REDIC1: variants seen among roughly 807,000 people sequenced by gnomAD.
The protein encoded by REDIC1 is regulator of DNA class I crossover intermediates 1.
chr12:39,653,558 T>TTCTTCTTCTTTC, the REDIC1 span, among the ~76,000 whole-genome samples: 3 of 43,842 alleles, frequency 6.8e-5, no homozygotes, highest in South Asian at 6.9e-4. Context: ...CTTCTTCTTC[T>TTCTTCTTCTTTC]TTCTTCTTCT....
chr12:39,771,566 G>T, the REDIC1 span, among the ~76,000 whole-genome samples: 2,350 of 152,232 alleles, frequency 0.015, 55 homozygotes, highest in African/African-American at 0.051. Context: ...TCCAGTCTGT[G>T]CATTGATTGT....
At chr12:39,866,013 C>G in the REDIC1 span, among the ~76,000 whole-genome samples, 1 of 152,152 alleles carries the variant, frequency 6.6e-6, no homozygotes, top group Non-Finnish European at 1.5e-5. Context: ...TGCACATGTA[C>G]CCCTGAAATT....
At chr12:39,753,255 CATCTATA>C in the REDIC1 span, among the ~76,000 whole-genome samples, 1 of 152,136 alleles carries the variant, frequency 6.6e-6, no homozygotes, top group African/African-American at 2.4e-5. Flanking sequence ...GCATTCAAAG[CATCTATA>C]GTAAGATGAG....
At chr12:39,761,686 CTG>C in the REDIC1 span, among the ~76,000 whole-genome samples, 11 of 151,648 alleles carry the variant, frequency 7.3e-5, no homozygotes, top group East Asian at 2.1e-3. Context: ...ATATGCAAGA[CTG>C]TGGAGGTAGG....
At chr12:39,907,665 T>C in the REDIC1 span, 2 of 152,148 alleles carry the variant, frequency 1.3e-5, no homozygotes, top group Non-Finnish European at 2.9e-5. Context: ...ACTTTGGAAA[T>C]AGAATGAGGT....
chr12:39,689,055 C>T, the REDIC1 span, among the ~76,000 whole-genome samples: 1 of 152,186 alleles, frequency 6.6e-6, no homozygotes, highest in Non-Finnish European at 1.5e-5. Flanking sequence ...TCCTAACCAT[C>T]CATCCATGTA....
chr12:39,723,229 T>C, the REDIC1 span, among the ~76,000 whole-genome samples: 1 of 152,162 alleles, frequency 6.6e-6, no homozygotes, highest in East Asian at 1.9e-4. Context: ...ATCCTTTTAC[T>C]ATAATAAACT....
the REDIC1 span, among the ~76,000 whole-genome samples, chr12:39,816,112 C>T: frequency 2.0e-5 from 3 of 152,260 alleles, no homozygotes; most frequent in East Asian, 5.8e-4. Context: ...AGGTCTGAAA[C>T]AGTTTCAACT....
the REDIC1 span, among the ~76,000 whole-genome samples, chr12:39,714,867 G>A: frequency 1.5e-4 from 23 of 151,822 alleles, no homozygotes; most frequent in African/African-American, 5.3e-4. Context: ...ATCTTCTTTT[G>A]AGAATTGTCT....
At chr12:39,711,814 TGTACAC>T in the REDIC1 span, among the ~76,000 whole-genome samples, 1 of 91,474 alleles carries the variant, frequency 1.1e-5, no homozygotes, top group African/African-American at 3.5e-5. Context: ...TGTGTATGTG[TGTACAC>T]ATGCATGTGT....
At chr12:39,648,195 T>G in the REDIC1 span, among the ~76,000 whole-genome samples, 1 of 152,020 alleles carries the variant, frequency 6.6e-6, no homozygotes, top group Non-Finnish European at 1.5e-5. Flanking sequence ...TTAAAAAAAA[T>G]CTTGGAATGT....
At chr12:39,707,873 C>A in the REDIC1 span, among the ~76,000 whole-genome samples, 1 of 151,672 alleles carries the variant, frequency 6.6e-6, no homozygotes, top group East Asian at 1.9e-4. Context: ...ATGGATGGAA[C>A]TGGAGGTTAT....
At chr12:39,682,528 T>C in the REDIC1 span, 1 of 1,007,228 alleles carries the variant, frequency 9.9e-7, no homozygotes, top group Non-Finnish European at 1.4e-6. Flanking sequence ...ACTCAATATG[T>C]CCTCTAAGAA....
At chr12:39,736,212 G>A in the REDIC1 span, among the ~76,000 whole-genome samples, 2 of 152,184 alleles carry the variant, frequency 1.3e-5, no homozygotes, top group Non-Finnish European at 2.9e-5. Context: ...GTGCATGGCT[G>A]GATTACAGAA....
the REDIC1 span, among the ~76,000 whole-genome samples, chr12:39,895,876 AT>A: frequency 1.0e-5 from 1 of 100,464 alleles, no homozygotes; most frequent in African/African-American, 3.9e-5. Flanking sequence ...GCACACACAT[AT>A]GTATATGCGT....
the REDIC1 span, among the ~76,000 whole-genome samples, chr12:39,906,503 GA>G: frequency 6.6e-6 from 1 of 151,904 alleles, no homozygotes; most frequent in Non-Finnish European, 1.5e-5. Flanking sequence ...ACTGAAATAT[GA>G]AACTTGAAAA....
At chr12:39,716,650 G>T in the REDIC1 span, 4 of 748,732 alleles carry the variant, frequency 5.3e-6, no homozygotes, top group Middle Eastern at 4.9e-4. Context: ...AGTGTTTTGT[G>T]TTGTTAGCTA....
the REDIC1 span, among the ~76,000 whole-genome samples, chr12:39,671,871 G>T: frequency 3.0e-4 from 45 of 152,266 alleles, no homozygotes; most frequent in African/African-American, 9.1e-4. Context: ...GGTTTTCTGG[G>T]TCTGTTGTTA....
At chr12:39,890,701 A>G in the REDIC1 span, among the ~76,000 whole-genome samples, 1 of 152,202 alleles carries the variant, frequency 6.6e-6, no homozygotes, top group Admixed American at 6.5e-5. Context: ...AAATATGTAC[A>G]GTTATTACAT....
Sources: allele counts gnomAD v4.1 joint callset (sites outside exome capture counted in the v4.1 genomes callset), GRCh38; gene constraint gnomAD v4.1.1; transcripts MANE v1.5; gene names NCBI Gene and HGNC (gene_info 2026-07-23, HGNC 2026-07-21).